The following CCDC149 variants were observed in gnomAD, a reference collection of about 807,000 sequenced individuals.
CCDC149 encodes coiled-coil domain containing 149.
CCDC149 carries 45 observed loss-of-function variants against 59.9 expected under a neutral mutation model. That is an observed-to-expected ratio of 0.75 (90% CI 0.59 to 0.96). CCDC149 has a LOEUF of 0.96. Ranked by LOEUF, CCDC149 falls within the 40% of genes least tolerant of loss-of-function variation. The pLI, the probability that CCDC149 is intolerant of heterozygous loss-of-function variation, is 0.00. For missense variants in CCDC149, 584 were observed against 664.7 expected (o/e 0.88, Z 1.33); for synonymous variants, 245 against 260.6 (o/e 0.94, Z 0.58).
intron 1 of CCDC149, among the ~76,000 whole-genome samples, chr4:24,903,703 C>A (rs1416390808): frequency 6.6e-6 from 1 of 152,096 alleles, no homozygotes; most frequent in Non-Finnish European, 1.5e-5. Flanking sequence ...ATCCATAAAT[C>A]CAAAAGATTC....
At chr4:24,908,303 T>C (rs1721657557) in intron 1 of CCDC149, among the ~76,000 whole-genome samples, 1 of 152,146 alleles carries the variant, frequency 6.6e-6, no homozygotes, top group South Asian at 2.1e-4. Flanking sequence ...CCAGGTCTCT[T>C]ATTATCTTCA....
In CCDC149 at chr4:24,873,670, A is replaced by G. The variant is rs189748915; in HGVS notation, c.264+11T>C. 4.8e-5 allele frequency: 77 copies of G among 1,591,258 alleles called. No individual in the cohort carries two copies. In the East Asian group the frequency reaches 1.6e-3, roughly 34 times the overall value. On this transcript the variant is annotated intron_variant, in intron 3 of 12. Coordinates refer to ENST00000635206, the MANE Select transcript of CCDC149 (RefSeq NM_001330643.2). The stretch of plus-strand genomic sequence containing the variant: ...TCAATAAAAAAATCTGAGATCAGAA[A>G]TAAGTCTTACCTGTTTCCTTTTTTC...
At chr4:24,864,256 G>C (rs1488034102) in intron 3 of CCDC149, among the ~76,000 whole-genome samples, 1 of 152,156 alleles carries the variant, frequency 6.6e-6, no homozygotes, top group Non-Finnish European at 1.5e-5. Context: ...GAAAGGTTAG[G>C]TATCATTAAA....
intron 1 of CCDC149, among the ~76,000 whole-genome samples, chr4:24,968,029 A>T (rs1164833178): frequency 6.6e-6 from 1 of 152,206 alleles, no homozygotes; most frequent in Non-Finnish European, 1.5e-5. Context: ...TGTATTGGTT[A>T]ACAAAGAAGG....
At chr4:24,959,709 A>G (rs1723582170) in intron 1 of CCDC149, among the ~76,000 whole-genome samples, 1 of 152,212 alleles carries the variant, frequency 6.6e-6, no homozygotes, top group Admixed American at 6.5e-5. Context: ...CAGAGATGAC[A>G]ACAGCTTTTT....
intron 3 of CCDC149, among the ~76,000 whole-genome samples, chr4:24,853,767 C>A (rs1202997550): frequency 6.6e-6 from 1 of 152,050 alleles, no homozygotes; most frequent in Admixed American, 6.5e-5. Context: ...TCGTGTGTGA[C>A]CTCAATGCCT....
chr4:24,896,472 C>T (rs1480037746), intron 1 of CCDC149, among the ~76,000 whole-genome samples: 1 of 152,086 alleles, frequency 6.6e-6, no homozygotes, highest in East Asian at 1.9e-4. Flanking sequence ...AGCAAATAAC[C>T]TTTGGAGCAA....
intron 1 of CCDC149, among the ~76,000 whole-genome samples, chr4:24,979,147 A>T (rs1280437721): frequency 3.3e-5 from 5 of 152,210 alleles, no homozygotes; most frequent in African/African-American, 1.2e-4. Flanking sequence ...TACCTTGAGA[A>T]ATACTGTGCA....
At chr4:24,832,357 G>C (rs935840107) in intron 8 of CCDC149, among the ~76,000 whole-genome samples, 1 of 152,180 alleles carries the variant, frequency 6.6e-6, no homozygotes, top group African/African-American at 2.4e-5. Context: ...AAAAGGTATA[G>C]AGCAGACTGC....
At chr4:24,805,448 G>A (rs1053779015), downstream of CCDC149, among the ~76,000 whole-genome samples, 1 of 152,126 alleles carries the variant, frequency 6.6e-6, no homozygotes, top group Non-Finnish European at 1.5e-5. Context: ...TTTTTATGCA[G>A]CAACAAAAAG....
chr4:24,906,401 T>TTTATTTTATTTTATTTTATTTTA (rs1721530940), intron 1 of CCDC149, among the ~76,000 whole-genome samples: 4 of 102,106 alleles, frequency 3.9e-5, no homozygotes, highest in Non-Finnish European at 4.1e-5. Flanking sequence ...TTTTATTTTA[T>TTTATTTTATTTTATTTTATTTTA]TTTATTTTAC....
chr4:24,845,097 A>T (rs1717201053), intron 4 of CCDC149, among the ~76,000 whole-genome samples: 1 of 152,212 alleles, frequency 6.6e-6, no homozygotes, highest in Non-Finnish European at 1.5e-5. Flanking sequence ...CAACCGTGGC[A>T]ACAATACCTG....
chr4:24,946,536 T>C (rs1051403875), intron 1 of CCDC149, among the ~76,000 whole-genome samples: 1 of 152,204 alleles, frequency 6.6e-6, no homozygotes, highest in Non-Finnish European at 1.5e-5. Flanking sequence ...AAATGGCGGG[T>C]ACTTGGTAAA....
At chr4:24,931,644 A>G (rs1722589919) in intron 1 of CCDC149, among the ~76,000 whole-genome samples, 1 of 151,518 alleles carries the variant, frequency 6.6e-6, no homozygotes, top group Non-Finnish European at 1.5e-5. Context: ...CCCTAATTGC[A>G]AAAGCACTGG....
intron 1 of CCDC149, among the ~76,000 whole-genome samples, chr4:24,931,831 A>ATG (rs1172221658): frequency 1.0e-5 from 1 of 100,402 alleles, no homozygotes; most frequent in African/African-American, 3.7e-5. Flanking sequence ...GAGAGTATGT[A>ATG]TATATATATA....
chr4:24,917,265 G>A (rs1461936531), upstream of CCDC149, among the ~76,000 whole-genome samples: 6 of 152,210 alleles, frequency 3.9e-5, no homozygotes, highest in Non-Finnish European at 8.8e-5. Context: ...CAGTCAGCAC[G>A]AGCTGCTCCC....
chr4:24,815,572 C>G (rs800449), intron 12 of CCDC149, among the ~76,000 whole-genome samples: 118,067 of 152,146 alleles, frequency 0.78, 45,844 homozygotes, highest in Admixed American at 0.83. Context: ...ATATTCTAGT[C>G]CCCCTGAAAA....
chr4:24,966,578 G>C (rs1723810559), intron 1 of CCDC149, among the ~76,000 whole-genome samples: 1 of 152,082 alleles, frequency 6.6e-6, no homozygotes, highest in South Asian at 2.1e-4. Context: ...GAGAAAGGAG[G>C]GCCCCAACAA....
intron 1 of CCDC149, among the ~76,000 whole-genome samples, chr4:24,888,957 C>T (rs1577454528): frequency 6.6e-6 from 1 of 151,874 alleles, no homozygotes; most frequent in South Asian, 2.1e-4. Flanking sequence ...CTCACCATGC[C>T]GTTTTCCCCC....
Sources: allele counts gnomAD v4.1 joint callset (sites outside exome capture counted in the v4.1 genomes callset), GRCh38; gene constraint gnomAD v4.1.1; transcripts MANE v1.5; gene names NCBI Gene and HGNC (gene_info 2026-07-23, HGNC 2026-07-21).